SYTL2: variants seen among roughly 807,000 people sequenced by gnomAD.
The protein encoded by SYTL2 is synaptotagmin like 2.
A neutral mutation model predicts 198.7 loss-of-function variants in SYTL2; 165 were observed. The observed-to-expected ratio is 0.83, with a 90% CI of 0.73 to 0.94. The LOEUF is 0.94. Ranked by LOEUF, SYTL2 falls within the 40% of genes least tolerant of loss-of-function variation. SYTL2 has a pLI of 0.00. For missense variants in SYTL2, 2,835 were observed against 2,582.8 expected, an observed-to-expected ratio of 1.10 and a Z score of -2.12; for synonymous variants, 966 against 917.7, an observed-to-expected ratio of 1.05 and a Z score of -0.95.
intron 1 of SYTL2, among the ~76,000 whole-genome samples, chr11:85,765,429 G>T (rs1434819357): frequency 6.6e-6 from 1 of 152,178 alleles, no homozygotes; most frequent in Non-Finnish European, 1.5e-5. Context: ...TAGAGACGGG[G>T]TTTCACCATG....
intron 1 of SYTL2, among the ~76,000 whole-genome samples, chr11:85,794,630 C>T (rs1287315993): frequency 6.6e-6 from 1 of 152,146 alleles, no homozygotes; most frequent in Admixed American, 6.6e-5. Flanking sequence ...GGTGAGGAAA[C>T]TTGCATTTAT....
At chr11:85,714,544 C>G (rs745872652) in intron 11 of SYTL2, 37 bp from the exon 12 acceptor site, 15 of 1,592,118 alleles carry the variant, frequency 9.4e-6, no homozygotes, top group Non-Finnish European at 1.3e-5. Context: ...ATTATTCTTA[C>G]AATTGTCAGA....
chr11:85,810,338 G>A (rs531083927), intron 1 of SYTL2, among the ~76,000 whole-genome samples: 2 of 152,270 alleles, frequency 1.3e-5, no homozygotes, highest in East Asian at 1.9e-4. Flanking sequence ...GATGGGTGCA[G>A]AGAAAGAGAG....
chr11:85,771,802 C>A (rs1296260009), intron 1 of SYTL2, among the ~76,000 whole-genome samples: 4 of 152,160 alleles, frequency 2.6e-5, no homozygotes, highest in Non-Finnish European at 5.9e-5. Context: ...TTGAGACTAA[C>A]CACTGCCTAC....
chr11:85,784,702 T>C (rs2092610014), intron 1 of SYTL2, among the ~76,000 whole-genome samples: 1 of 152,170 alleles, frequency 6.6e-6, no homozygotes, highest in African/African-American at 2.4e-5. Flanking sequence ...TTAACTTTAT[T>C]ACATGTTCGT....
At chr11:85,775,826 G>A (rs1236991722) in intron 1 of SYTL2, among the ~76,000 whole-genome samples, 2 of 152,154 alleles carry the variant, frequency 1.3e-5, no homozygotes, top group South Asian at 2.1e-4. Context: ...AGGTCAAGTG[G>A]CTTAGCCAAG....
intron 1 of SYTL2, among the ~76,000 whole-genome samples, chr11:85,772,267 T>C (rs493078): frequency 0.58 from 88,583 of 152,116 alleles, 26,391 homozygotes; most frequent in Middle Eastern, 0.65. Context: ...AGGTTCATAG[T>C]ACAGTCTAGA....
At chr11:85,702,259 A>C (rs995870960) in intron 16 of SYTL2, among the ~76,000 whole-genome samples, 45 of 148,506 alleles carry the variant, frequency 3.0e-4, no homozygotes, top group African/African-American at 1.1e-3. Context: ...GCGTGATCTC[A>C]GTTCATTGCA....
At chr11:85,767,986 G>A (rs999803132) in intron 1 of SYTL2, among the ~76,000 whole-genome samples, 6 of 152,314 alleles carry the variant, frequency 3.9e-5, no homozygotes, top group African/African-American at 1.4e-4. Flanking sequence ...GCAGCACTCT[G>A]AGAATTAGTG....
At position 85,737,608 on chromosome 11, in the gene SYTL2, T is replaced by C; in HGVS notation, c.438A>G (p.Glu146=). Residue 146 remains glutamate (E), a synonymous_variant, in exon 5 of 20, where the codon GAA becomes GAG. Coordinates refer to ENST00000359152, the MANE Select transcript of SYTL2 (RefSeq NM_206927.4). ...GAGACACATTTGGTTTCCTTGTGTT[T>C]TCCTGGGACATATCAATCACACTGG... The part of the protein sequence containing the change: ...PASSVIDMSQ[E]NTRKPNVSPE... 7.4e-6 allele frequency: 12 copies of C among 1,614,036 alleles called. No individual in the cohort carries two copies. Among genetic ancestry groups the C allele is most frequent in the Non-Finnish European group, 1.0e-5 (12 of 1,179,884 alleles).
At chr11:85,703,473 T>C (rs998827733) in intron 16 of SYTL2, among the ~76,000 whole-genome samples, 1 of 152,104 alleles carries the variant, frequency 6.6e-6, no homozygotes, top group Non-Finnish European at 1.5e-5. Context: ...TACTATGAAA[T>C]GACATCTTCA....
chr11:85,758,876 C>T (rs962296613), intron 1 of SYTL2, among the ~76,000 whole-genome samples: 2 of 152,146 alleles, frequency 1.3e-5, no homozygotes, highest in Admixed American at 6.5e-5. Context: ...TACAGAAATT[C>T]GGAGGTGATC....
At chr11:85,839,342 G>T in the SYTL2 span, among the ~76,000 whole-genome samples, 3 of 151,956 alleles carry the variant, frequency 2.0e-5, no homozygotes, top group East Asian at 1.9e-4. Flanking sequence ...TCACCCTTTC[G>T]TAACAGATCT....
the SYTL2 span, among the ~76,000 whole-genome samples, chr11:85,842,303 G>T: frequency 1.3e-5 from 2 of 152,226 alleles, no homozygotes; most frequent in Non-Finnish European, 2.9e-5. Context: ...TCTCTGACCT[G>T]CAGTGGGTAG....
rs1358401250 is a variant in SYTL2 at position 85,725,625 on chromosome 11, C to T, written c.3733G>A (p.Glu1245Lys). The T allele has an allele frequency of 6.2e-7, 1 of 1,614,038 alleles. No individual in the cohort carries two copies. Among genetic ancestry groups the T allele is most frequent in the Non-Finnish European group, 8.5e-7 (1 of 1,180,040 alleles). The change falls in exon 8 of 20, where the codon GAG (glutamate) becomes AAG (lysine). Residue 1245 changes from glutamate (E) to lysine (K), a missense_variant. Coordinates refer to ENST00000359152, the MANE Select transcript of SYTL2 (RefSeq NM_206927.4). ...VITGTNSKLE[E>K]GRFFGKGIEQ... ...ATCCCTTTTCCAAAAAATCTCCCCT[C>T]TTCCAGCTTAGAGTTGGTTCCAGTG... is the stretch of plus-strand genomic sequence containing the variant.
intron 15 of SYTL2, 161 bp from the exon 16 acceptor site, chr11:85,705,189 G>A (rs911323547): frequency 5.9e-6 from 3 of 510,368 alleles, no homozygotes; most frequent in African/African-American, 1.9e-5. Flanking sequence ...TAAGCATCTT[G>A]TTTCAAAGAG....
chr11:85,763,108 T>C (rs2092143713), intron 1 of SYTL2, among the ~76,000 whole-genome samples: 1 of 152,226 alleles, frequency 6.6e-6, no homozygotes, highest in African/African-American at 2.4e-5. Flanking sequence ...TTTGAATAAG[T>C]TGAATGACTT....
chr11:85,774,836 A>G (rs1196307656), intron 1 of SYTL2, among the ~76,000 whole-genome samples: 1 of 152,184 alleles, frequency 6.6e-6, no homozygotes, highest in Non-Finnish European at 1.5e-5. Context: ...TTCATTAATT[A>G]GGGTCAGCCT....
rs532657213 is a variant in SYTL2 at position 85,731,640 on chromosome 11, A to T, written c.1390+2299T>A. Among the ~76,000 whole-genome samples, 6 of 152,274 alleles carry T rather than the reference A, an allele frequency of 3.9e-5. No individual in the cohort carries two copies. The East Asian group carries it at 1.2e-3, about 29-fold the overall frequency. On this transcript the variant is annotated intron_variant, in intron 7 of 19. Transcript: ENST00000359152. ...AAAACCATAAAAACCCTAGAAGAAAACCTAGGCAATACCACTCAGGACATA... is the reference window on the plus strand; with the variant it reads ...AAAACCATAAAAACCCTAGAAGAAATCCTAGGCAATACCACTCAGGACATA...
Sources: allele counts gnomAD v4.1 joint callset (sites outside exome capture counted in the v4.1 genomes callset), GRCh38; gene constraint gnomAD v4.1.1; transcripts MANE v1.5; gene names NCBI Gene and HGNC (gene_info 2026-07-23, HGNC 2026-07-21).